ATP8A2: variants seen among roughly 807,000 people sequenced by gnomAD.
ATP8A2 encodes phospholipid-transporting ATPase IB.
ATP8A2 carries 100 observed loss-of-function variants against 165.6 expected under a neutral mutation model. The ratio of observed to expected loss-of-function variants is 0.60; its 90% confidence interval spans 0.51 to 0.71. ATP8A2 has a LOEUF of 0.71. ATP8A2 is among the 30% of genes least tolerant of loss of function. The pLI is 0.00. For synonymous variants in ATP8A2, 543 were observed against 548.8 expected, an observed-to-expected ratio of 0.99 and a Z score of 0.15; for missense variants, 1,227 against 1,479.5, an observed-to-expected ratio of 0.83 and a Z score of 2.80.
chr13:25,377,566 G>A (rs1232429340), intron 1 of ATP8A2, among the ~76,000 whole-genome samples: 2 of 152,122 alleles, frequency 1.3e-5, no homozygotes, highest in Admixed American at 6.5e-5. Context: ...TTGGGAGGCC[G>A]AGACGGGTGG....
At chr13:25,770,262 G>A (rs141548881) in intron 26 of ATP8A2, among the ~76,000 whole-genome samples, 3 of 152,238 alleles carry the variant, frequency 2.0e-5, no homozygotes, top group South Asian at 2.1e-4. Flanking sequence ...TGGAGGCTAC[G>A]AGATTCTGAC....
chr13:25,574,747 C>A, intron 18 of ATP8A2, 61 bp from the exon 19 acceptor site: 1 of 936,786 alleles, frequency 1.1e-6, no homozygotes, highest in Non-Finnish European at 1.8e-6. Flanking sequence ...GCTTGGGAGA[C>A]AATTGCTTTG....
intron 24 of ATP8A2, among the ~76,000 whole-genome samples, chr13:25,641,214 T>G (rs1477605599): frequency 6.6e-6 from 1 of 152,208 alleles, no homozygotes; most frequent in East Asian, 1.9e-4. Context: ...ATGCCCTCTC[T>G]CACCACTCCT....
chr13:25,727,887 T>C (rs1247956599), intron 25 of ATP8A2, among the ~76,000 whole-genome samples: 1 of 152,154 alleles, frequency 6.6e-6, no homozygotes, highest in Non-Finnish European at 1.5e-5. Context: ...GATGAAAATC[T>C]TAAACTGGCC....
At chr13:25,399,700 C>A (rs1382040778) in intron 1 of ATP8A2, among the ~76,000 whole-genome samples, 1 of 151,612 alleles carries the variant, frequency 6.6e-6, no homozygotes, top group African/African-American at 2.4e-5. Flanking sequence ...CCGCGCCCGG[C>A]CCGTGGTTCT....
intron 1 of ATP8A2, among the ~76,000 whole-genome samples, chr13:25,431,412 G>A (rs1361481791): frequency 3.3e-5 from 5 of 152,140 alleles, no homozygotes; most frequent in African/African-American, 1.2e-4. Context: ...GCCTCCCAAA[G>A]TGCTGGGATT....
intron 26 of ATP8A2, among the ~76,000 whole-genome samples, chr13:25,774,437 T>C (rs1280915511): frequency 1.3e-5 from 2 of 152,042 alleles, no homozygotes; most frequent in African/African-American, 4.8e-5. Context: ...GGGCATCAGA[T>C]TAAATACTAA....
chr13:25,528,401 T>C (rs12430035), intron 2 of ATP8A2, among the ~76,000 whole-genome samples: 9,876 of 152,304 alleles, frequency 0.065, 414 homozygotes, highest in South Asian at 0.13. Flanking sequence ...GCGAGGCCAT[T>C]GTACCATGGG....
At chr13:25,670,424 C>T (rs894828108) in intron 24 of ATP8A2, among the ~76,000 whole-genome samples, 3 of 152,172 alleles carry the variant, frequency 2.0e-5, no homozygotes, top group African/African-American at 7.2e-5. Context: ...GGGTTGTTCT[C>T]ATCCTCTTCC....
intron 25 of ATP8A2, among the ~76,000 whole-genome samples, chr13:25,744,862 G>GT (rs1341538062): frequency 6.6e-6 from 1 of 152,210 alleles, no homozygotes; most frequent in Non-Finnish European, 1.5e-5. Context: ...TTCCGAGAAT[G>GT]TTTTTACGGT....
chr13:25,888,344 TCTAAAAGATGC>T (rs1192707178), intron 33 of ATP8A2, among the ~76,000 whole-genome samples: 10 of 152,200 alleles, frequency 6.6e-5, no homozygotes, highest in Admixed American at 3.3e-4. Context: ...AACAACTTTA[TCTAAAAGATGC>T]CTATAAATAT....
At chr13:25,585,874 C>T (rs576860424) in intron 23 of ATP8A2, among the ~76,000 whole-genome samples, 2 of 152,254 alleles carry the variant, frequency 1.3e-5, no homozygotes, top group African/African-American at 4.8e-5. Flanking sequence ...GCTAACATTG[C>T]CAGGTGCTCC....
chr13:25,435,953 G>A (rs11618602), intron 1 of ATP8A2, among the ~76,000 whole-genome samples: 6 of 59,952 alleles, frequency 1.0e-4, no homozygotes, highest in South Asian at 5.8e-4. Flanking sequence ...GTGTGTGTGA[G>A]TGTGTGTGTG....
chr13:25,534,545 G>C (rs1157518665), intron 6 of ATP8A2, among the ~76,000 whole-genome samples: 2 of 152,158 alleles, frequency 1.3e-5, no homozygotes, highest in African/African-American at 4.8e-5. Context: ...CTAATTGATG[G>C]TCTTCTGTGG....
intron 27 of ATP8A2, among the ~76,000 whole-genome samples, chr13:25,805,662 A>C (rs912729064): frequency 6.6e-6 from 1 of 152,230 alleles, no homozygotes; most frequent in Non-Finnish European, 1.5e-5. Context: ...TATAGTCTCC[A>C]TATGTATTCC....
At chr13:25,925,503 T>C (rs1178123458) in intron 33 of ATP8A2, among the ~76,000 whole-genome samples, 1 of 145,264 alleles carries the variant, frequency 6.9e-6, no homozygotes, top group African/African-American at 2.6e-5. Flanking sequence ...CCACTTACAC[T>C]CCAGCCTGGG....
At chr13:25,404,519 G>A (rs1249703345) in intron 1 of ATP8A2, among the ~76,000 whole-genome samples, 4 of 152,044 alleles carry the variant, frequency 2.6e-5, no homozygotes, top group Non-Finnish European at 4.4e-5. Flanking sequence ...AGCATTCAAG[G>A]AGAGGAATAA....
chr13:25,542,199 GAAA>G (rs2038500624), intron 9 of ATP8A2, among the ~76,000 whole-genome samples, 153 bp downstream of exon 9: 2 of 151,976 alleles, frequency 1.3e-5, no homozygotes, highest in Non-Finnish European at 2.9e-5. Context: ...TTAGATTTAA[GAAA>G]AAAACCCTGA....
chr13:25,450,928 G>A (rs1216885560), intron 1 of ATP8A2, among the ~76,000 whole-genome samples: 5 of 152,026 alleles, frequency 3.3e-5, no homozygotes, highest in Admixed American at 3.3e-4. Context: ...GGGCCTTGAT[G>A]TGTTTTTAAA....
Sources: allele counts gnomAD v4.1 joint callset (sites outside exome capture counted in the v4.1 genomes callset), GRCh38; gene constraint gnomAD v4.1.1; transcripts MANE v1.5; gene names NCBI Gene and HGNC (gene_info 2026-07-23, HGNC 2026-07-21).